SPAST: variants seen among roughly 807,000 people sequenced by gnomAD.
SPAST encodes the protein spastin.
SPAST carries 30 observed loss-of-function variants against 76.6 expected under a neutral mutation model. The ratio of observed to expected loss-of-function variants is 0.39; its 90% CI spans 0.29 to 0.53. The LOEUF is 0.53. Ranked by LOEUF, SPAST falls within the 20% of genes least tolerant of loss-of-function variation. The probability of loss-of-function intolerance (pLI) is 0.68; values close to 1 mark genes in which losing one functional copy is unlikely to be tolerated. For missense variants in SPAST, 717 were observed against 770.5 expected (o/e 0.93, Z 0.82); for synonymous variants, 305 against 281.0 (o/e 1.09, Z -0.86).
intron 1 of SPAST, among the ~76,000 whole-genome samples, chr2:32,083,772 A>ATTTTTTTTTTT (rs1254717387): frequency 2.0e-5 from 1 of 51,190 alleles, no homozygotes; most frequent in Non-Finnish European, 3.9e-5. Flanking sequence ...ATATATATAT[A>ATTTTTTTTTTT]TATATTTTTT....
intron 5 of SPAST, among the ~76,000 whole-genome samples, 190 bp downstream of exon 5, chr2:32,115,015 C>T (rs1391394850): frequency 7.3e-6 from 1 of 136,108 alleles, no homozygotes; most frequent in Non-Finnish European, 1.5e-5. Context: ...ATGGCGCGAT[C>T]TCGGCTCATT....
chr2:32,090,406 T>A (rs924195431), intron 3 of SPAST, among the ~76,000 whole-genome samples: 1 of 152,306 alleles, frequency 6.6e-6, no homozygotes, highest in South Asian at 2.1e-4. Context: ...TGAAACAAAT[T>A]ATTGACTTAT....
At chr2:32,094,000 T>A (rs1677828591) in intron 3 of SPAST, among the ~76,000 whole-genome samples, 1 of 152,124 alleles carries the variant, frequency 6.6e-6, no homozygotes, top group South Asian at 2.1e-4. Context: ...CTCAAACCAG[T>A]CAGTATTAGG....
At chr2:32,069,214 CAAAAA>C (rs56319240) in intron 1 of SPAST, among the ~76,000 whole-genome samples, 1 of 114,734 alleles carries the variant, frequency 8.7e-6, no homozygotes. Flanking sequence ...CTCCATCTCT[CAAAAA>C]AAAAAAAAAA....
intron 3 of SPAST, among the ~76,000 whole-genome samples, chr2:32,096,327 C>T (rs551080795): frequency 1.2e-3 from 189 of 152,128 alleles, no homozygotes; most frequent in Middle Eastern, 6.8e-3. Flanking sequence ...CCCAGCTATT[C>T]GGGAGGCTGA....
chr2:32,111,150 AGT>A (rs1678574357), intron 4 of SPAST, among the ~76,000 whole-genome samples: 1 of 114,624 alleles, frequency 8.7e-6, no homozygotes, highest in Non-Finnish European at 1.8e-5. Context: ...TATACTATAT[AGT>A]GTGTATAGAG....
intron 8 of SPAST, chr2:32,127,992 TA>T (rs1330899401): frequency 5.4e-6 from 1 of 184,544 alleles, no homozygotes; most frequent in African/African-American, 2.4e-5. Flanking sequence ...TTTTTATTTT[TA>T]TTTTTTATTA....
intron 3 of SPAST, among the ~76,000 whole-genome samples, chr2:32,092,043 A>T (rs1306321680): frequency 6.6e-6 from 1 of 152,018 alleles, no homozygotes; most frequent in African/African-American, 2.4e-5. Context: ...GACTGTCATC[A>T]CCTCCTTTGC....
chr2:32,110,681 A>G (rs191889593), intron 4 of SPAST, among the ~76,000 whole-genome samples: 37 of 138,186 alleles, frequency 2.7e-4, no homozygotes, highest in Admixed American at 1.1e-3. Flanking sequence ...TATATAGTGT[A>G]TATATACTGT....
chr2:32,074,330 A>C (rs534446178), intron 1 of SPAST, among the ~76,000 whole-genome samples: 2 of 152,244 alleles, frequency 1.3e-5, no homozygotes, highest in African/African-American at 2.4e-5. Context: ...TTCAGTGTTC[A>C]TGTTTTGCCT....
intron 3 of SPAST, among the ~76,000 whole-genome samples, chr2:32,093,298 G>A (rs1335946550): frequency 7.1e-4 from 84 of 118,706 alleles, no homozygotes; most frequent in Admixed American, 3.3e-3. Context: ...GTGACAGAGC[G>A]AGACTCCGTC....
chr2:32,127,827 A>G (rs1679244193), intron 8 of SPAST: 1 of 152,312 alleles, frequency 6.6e-6, no homozygotes, highest in African/African-American at 2.4e-5. Context: ...AAGAGAGGAG[A>G]ATAACACTGT....
intron 10 of SPAST, 92 bp from the exon 11 acceptor site, chr2:32,136,785 C>A: frequency 1.7e-6 from 2 of 1,208,044 alleles, no homozygotes; most frequent in Non-Finnish European, 2.4e-6. Flanking sequence ...TTAGTAGGAC[C>A]CACTATATTA....
chr2:32,128,392 C>G lies in SPAST; in HGVS notation c.1174-16C>G, dbSNP rs766665944. On this transcript the variant is annotated splice_polypyrimidine_tract_variant and intron_variant, in intron 8 of 16. Coordinates refer to ENST00000315285, the MANE Select transcript of SPAST (RefSeq NM_014946.4). ...ATATTGAACTAATTTAATATTTGCT[C>G]TTGTGATTTTTAAAGGCTAAAGCAG... The G allele has an allele frequency of 3.2e-6, 5 of 1,568,270 alleles. No individual in the cohort carries two copies. The highest frequency in any genetic ancestry group is 4.4e-6 in the Non-Finnish European group (5 of 1,138,446).
At chr2:32,106,252 C>T (rs1264820339) in intron 4 of SPAST, among the ~76,000 whole-genome samples, 2 of 152,144 alleles carry the variant, frequency 1.3e-5, no homozygotes, top group African/African-American at 2.4e-5. Context: ...GGCATGGGAC[C>T]CTCTGAGCCA....
intron 9 of SPAST, among the ~76,000 whole-genome samples, chr2:32,132,459 A>G (rs1016686592): frequency 1.3e-5 from 2 of 151,736 alleles, no homozygotes; most frequent in Non-Finnish European, 2.9e-5. Context: ...ATCTAATACA[A>G]TTTTTTCCTT....
At chr2:32,099,950 T>C (rs1678057603) in intron 4 of SPAST, among the ~76,000 whole-genome samples, 1 of 123,412 alleles carries the variant, frequency 8.1e-6, no homozygotes, top group African/African-American at 3.0e-5. Flanking sequence ...TCTTGGCTGT[T>C]GTGAATAGTG....
chr2:32,147,345 GTTTTTTTTTTT>G, intron 16 of SPAST, 87 bp downstream of exon 16: 2 of 160,088 alleles, frequency 1.2e-5, no homozygotes. Context: ...TGTGTGTGTG[GTTTTTTTTTTT>G]TTTTTTTTTT....
chr2:32,072,987 A>AT (rs1407058179), intron 1 of SPAST, among the ~76,000 whole-genome samples: 2 of 152,136 alleles, frequency 1.3e-5, no homozygotes, highest in African/African-American at 4.8e-5. Flanking sequence ...AACATTTCAC[A>AT]TTTTTTCTCA....
Sources: gnomAD v4.1 joint callset for allele counts (sites outside exome capture counted in the v4.1 genomes callset) on GRCh38, gnomAD v4.1.1 for gene constraint, MANE v1.5 for transcripts, NCBI Gene and HGNC (gene_info 2026-07-23, HGNC 2026-07-21) for gene names.